CDH7: variants seen among roughly 807,000 people sequenced by gnomAD.
The protein encoded by CDH7 is cadherin 7.
A neutral mutation model predicts 71.8 loss-of-function variants in CDH7; 25 were observed. The ratio of observed to expected loss-of-function variants is 0.35; its 90% CI spans 0.25 to 0.49. The LOEUF is 0.49. Ranked by LOEUF, CDH7 falls within the 20% of genes least tolerant of loss-of-function variation. The pLI, the probability that CDH7 is intolerant of heterozygous loss-of-function variation, is 0.99. For synonymous variants in CDH7, 381 were observed against 363.8 expected (o/e 1.05, Z -0.54); for missense variants, 862 against 974.6 (o/e 0.88, Z 1.54).
chr18:65,785,711 A>G (rs1910489299), intron 2 of CDH7, among the ~76,000 whole-genome samples: 1 of 152,158 alleles, frequency 6.6e-6, no homozygotes, highest in South Asian at 2.1e-4. Flanking sequence ...CATTGTATAC[A>G]TTATGGAGGG....
chr18:65,856,838 C>T (rs1282591299), intron 7 of CDH7, among the ~76,000 whole-genome samples: 1 of 151,884 alleles, frequency 6.6e-6, no homozygotes, highest in African/African-American at 2.4e-5. Context: ...GTGTATAAAA[C>T]AAATAATAGC....
At chr18:65,755,688 T>C (rs2045679839) in intron 1 of CDH7, among the ~76,000 whole-genome samples, 1 of 152,182 alleles carries the variant, frequency 6.6e-6, no homozygotes, top group African/African-American at 2.4e-5. Context: ...CAAAAATGTA[T>C]TAAGGGATTC....
intron 10 of CDH7, among the ~76,000 whole-genome samples, chr18:65,861,092 G>A (rs989728099): frequency 1.3e-5 from 2 of 152,098 alleles, no homozygotes; most frequent in African/African-American, 4.8e-5. Context: ...ATACCACCAT[G>A]ATTGCTGTAC....
At chr18:65,794,601 A>AG (rs1462824486) in intron 2 of CDH7, among the ~76,000 whole-genome samples, 3 of 151,974 alleles carry the variant, frequency 2.0e-5, no homozygotes, top group Non-Finnish European at 2.9e-5. Flanking sequence ...AGAAAAAAAA[A>AG]AAAACCTGAA....
rs552644790 is a variant in CDH7, at chr18:65,869,706, TCCATCTCTTCCAG to T, written c.1864+6790_1864+6802del. On this transcript the variant is annotated intron_variant, in intron 11 of 11. Transcript: ENST00000397968. ...TCTGTTTAATTGGTTTATCTCCTTG[TCCATCTCTTCCAG>T]TAGACTGCTTTTAGAGGCAAGGACT... Among the ~76,000 whole-genome samples the T allele has an allele frequency of 8.3e-3, 1,257 of 152,162 alleles. 12 individuals are homozygous for T. Among genetic ancestry groups the T allele is most frequent in the African/African-American group, 0.028 (1,147 of 41,508 alleles).
intron 1 of CDH7, among the ~76,000 whole-genome samples, chr18:65,759,302 T>G (rs890875697): frequency 1.3e-5 from 2 of 151,692 alleles, no homozygotes; most frequent in Non-Finnish European, 2.9e-5. Context: ...TAGAGTGCAG[T>G]GGTGCCGTCT....
intron 6 of CDH7, among the ~76,000 whole-genome samples, chr18:65,828,428 C>G (rs994086441): frequency 6.6e-6 from 1 of 152,060 alleles, no homozygotes; most frequent in Non-Finnish European, 1.5e-5. Context: ...ATATATTACT[C>G]TTTTTGGAAA....
In CDH7 at chr18:65,785,604, G is replaced by GA. The variant is rs1046258537; in HGVS notation, c.210+22561dup. Among the ~76,000 whole-genome samples, 7 of 149,408 alleles carry GA rather than the reference G, an allele frequency of 4.7e-5. No individual in the cohort carries two copies. In the East Asian group the frequency reaches 5.9e-4, roughly 13 times the overall value. On this transcript the variant is annotated intron_variant, in intron 2 of 11. Transcript: ENST00000397968. ...AACCTCTAAAATCTTTGAAAAAAAA[G>GA]AAAAAAAAACTAAGTGACAAAACAA...
At chr18:65,752,628 A>G (rs1018398640) in intron 1 of CDH7, among the ~76,000 whole-genome samples, 1 of 152,208 alleles carries the variant, frequency 6.6e-6, no homozygotes, top group African/African-American at 2.4e-5. Context: ...AGTATGAATT[A>G]AAATGCAAAA....
intron 2 of CDH7, among the ~76,000 whole-genome samples, chr18:65,790,626 T>C (rs1445436235): frequency 6.6e-6 from 1 of 152,174 alleles, no homozygotes. Context: ...CTCAGCACTT[T>C]GGGAGGCCAA....
intron 1 of CDH7, among the ~76,000 whole-genome samples, chr18:65,760,312 G>T (rs1916154082): frequency 6.6e-6 from 1 of 152,118 alleles, no homozygotes; most frequent in Admixed American, 6.6e-5. Flanking sequence ...ACTTATTCAA[G>T]ATTACGTAGT....
chr18:65,793,747 A>C (rs929975602), intron 2 of CDH7, among the ~76,000 whole-genome samples: 5 of 152,178 alleles, frequency 3.3e-5, no homozygotes, highest in African/African-American at 1.2e-4. Flanking sequence ...AAACACATGC[A>C]GTAGCAGTAA....
At chr18:65,813,494 C>G (rs1911616066) in intron 3 of CDH7, among the ~76,000 whole-genome samples, 1 of 151,822 alleles carries the variant, frequency 6.6e-6, no homozygotes, top group East Asian at 1.9e-4. Flanking sequence ...TAATGACTTG[C>G]TTAAGTCATT....
At chr18:65,781,771 C>T (rs35097202) in intron 2 of CDH7, among the ~76,000 whole-genome samples, 7,919 of 37,642 alleles carry the variant, frequency 0.21, 856 homozygotes, top group East Asian at 0.28. Context: ...TCTTTCTTTC[C>T]TTCCTTCCTT....
chr18:65,866,331 CAAA>C (rs1291511991), intron 11 of CDH7: 1 of 2,600 alleles, frequency 3.8e-4, no homozygotes, highest in African/African-American at 9.0e-4. Flanking sequence ...AAAAAAAAAA[CAAA>C]AAAAAAAAAA....
Position 65,813,102 on chromosome 18 carries a change from G to C in CDH7, c.506-1383G>C, listed in dbSNP as rs527955214. Among the ~76,000 whole-genome samples, 7 of 152,334 alleles carry C rather than the reference G, an allele frequency of 4.6e-5. No homozygotes were observed. The South Asian group carries it at 1.4e-3, about 32-fold the overall frequency. On this transcript the variant is annotated intron_variant, in intron 3 of 11. Transcript: ENST00000397968. ...AATCCCAGCACTTTGGGAGGCCAAG[G>C]TGGGCAGATCATCTGAGGTCAGGAG...
chr18:65,823,378 G>C (rs1419969845), intron 5 of CDH7, among the ~76,000 whole-genome samples: 3 of 151,840 alleles, frequency 2.0e-5, no homozygotes. Flanking sequence ...GGCTTATAAT[G>C]AAATGAACTG....
Position 65,781,860 on chromosome 18 carries a change from T to G in CDH7, c.210+18808T>G, listed in dbSNP as rs868067986. Among the ~76,000 whole-genome samples, 72 of 70,364 alleles carry G rather than the reference T, an allele frequency of 1.0e-3. 1 individual carries two copies. Among genetic ancestry groups the G allele is most frequent in the African/African-American group, 7.9e-3 (63 of 8,000 alleles). 46.2% of individuals were successfully genotyped at this position (70,364 alleles called of 152,430 possible). A position where few individuals can be genotyped will look rare whatever the true frequency, so the allele number is the denominator to read the frequency against. On this transcript the variant is annotated intron_variant, in intron 2 of 11. Transcript: ENST00000397968. Reference sequence around the variant, plus strand: ...TTTCTTTCTTTCTTTCTTTCTTTCTTTCTTTCTCTCTCTCTCTCTGTCTCT... The same window carrying G: ...TTTCTTTCTTTCTTTCTTTCTTTCTGTCTTTCTCTCTCTCTCTCTGTCTCT...
intron 2 of CDH7, among the ~76,000 whole-genome samples, chr18:65,771,950 A>G (rs1046870237): frequency 2.0e-5 from 3 of 152,280 alleles, no homozygotes; most frequent in African/African-American, 7.2e-5. Context: ...GGGCTGTGTT[A>G]TAGGAATGGT....
Sources: allele counts gnomAD v4.1 joint callset (sites outside exome capture counted in the v4.1 genomes callset), GRCh38; gene constraint gnomAD v4.1.1; transcripts MANE v1.5; gene names NCBI Gene and HGNC (gene_info 2026-07-23, HGNC 2026-07-21).